RIPK1: variants seen among roughly 807,000 people sequenced by gnomAD.
RIPK1 encodes the protein receptor-interacting serine/threonine-protein kinase 1.
In RIPK1, 27 loss-of-function variants were observed where a neutral mutation model predicts 62.4. The ratio of observed to expected loss-of-function variants is 0.43; its 90% CI spans 0.32 to 0.60. The LOEUF is 0.60. Ranked by LOEUF, RIPK1 falls within the 20% of genes least tolerant of loss-of-function variation. The probability of loss-of-function intolerance (pLI) is 0.07; values close to 1 mark genes in which losing one functional copy is unlikely to be tolerated. For missense variants in RIPK1, 735 were observed against 831.0 expected, an observed-to-expected ratio of 0.88 and a Z score of 1.42; for synonymous variants, 287 against 303.2, an observed-to-expected ratio of 0.95 and a Z score of 0.55.
chr6:3,096,711 C>G (rs1428447733), intron 7 of RIPK1, among the ~76,000 whole-genome samples: 2 of 150,000 alleles, frequency 1.3e-5, no homozygotes, highest in Non-Finnish European at 1.5e-5. Flanking sequence ...AGGCGCCCAC[C>G]ACCACACCCA....
chr6:3,082,381 G>A (rs760335755), intron 4 of RIPK1, among the ~76,000 whole-genome samples: 4 of 152,186 alleles, frequency 2.6e-5, no homozygotes, highest in Admixed American at 1.3e-4. Flanking sequence ...TGCTTGCTTG[G>A]ATTCCTGGAG....
intron 9 of RIPK1, among the ~76,000 whole-genome samples, chr6:3,106,575 C>A (rs551877064): frequency 6.6e-6 from 1 of 152,320 alleles, no homozygotes; most frequent in South Asian, 2.1e-4. Context: ...TAATATCCAG[C>A]ATTTTTATCA....
chr6:3,076,500 G>GC (rs956526455), intron 1 of RIPK1, among the ~76,000 whole-genome samples: 3 of 151,100 alleles, frequency 2.0e-5, no homozygotes, highest in East Asian at 3.9e-4. Context: ...AGATCCCCCG[G>GC]CCCCCCCATC....
At chr6:3,111,788 G>C (rs918042841) in intron 10 of RIPK1, among the ~76,000 whole-genome samples, 2 of 152,174 alleles carry the variant, frequency 1.3e-5, no homozygotes, top group Admixed American at 1.3e-4. Flanking sequence ...ATGGTCAGGG[G>C]CACCTGTGAG....
chr6:3,073,658 C>T (rs1758885609), intron 1 of RIPK1, among the ~76,000 whole-genome samples: 1 of 152,166 alleles, frequency 6.6e-6, no homozygotes, highest in African/African-American at 2.4e-5. Flanking sequence ...CCCATAGGTG[C>T]TGCTGTATGA....
At chr6:3,102,573 A>C (rs1479952653) in intron 7 of RIPK1, among the ~76,000 whole-genome samples, 2 of 152,160 alleles carry the variant, frequency 1.3e-5, no homozygotes, top group Admixed American at 6.5e-5. Flanking sequence ...CGGGTGTGGA[A>C]TTGCTAGATC....
In RIPK1 at chr6:3,083,142, C is replaced by T; in HGVS notation, c.517C>T (p.His173Tyr). ...GTGGAGCAAACTGAATAATGAAGAG[C>T]ACAATGAGCTGAGGGAAGTGGACGG... Reference protein sequence around the residue: ...KMWSKLNNEEHNELREVDGTA... With the variant: ...KMWSKLNNEEYNELREVDGTA... The change falls in exon 5 of 11, where the codon CAC becomes TAC. Residue 173 changes from histidine to tyrosine, a missense_variant. By Grantham distance (83) the His-to-Tyr change is moderately conservative (BLOSUM62 2). Around this residue, in one of 2 missense-constraint regions of RIPK1, gnomAD observed 671 missense variants for 726.2 expected, o/e 0.92. Transcript: ENST00000259808. 6.2e-7 allele frequency: 1 copy of T among 1,614,018 alleles called. No homozygotes were observed. The highest frequency in any genetic ancestry group is 8.5e-7 in the Non-Finnish European group (1 of 1,179,940).
chr6:3,064,968 T>C (rs1259197476), upstream of RIPK1, among the ~76,000 whole-genome samples: 2 of 151,762 alleles, frequency 1.3e-5, no homozygotes, highest in South Asian at 2.1e-4. Context: ...TCTGGTCGGG[T>C]GCGGTGGCTC....
chr6:3,104,763 T>C (rs1456230644), intron 8 of RIPK1, among the ~76,000 whole-genome samples: 1 of 152,154 alleles, frequency 6.6e-6, no homozygotes, highest in Admixed American at 6.5e-5. Flanking sequence ...CTTAACCTCT[T>C]CTAAACTTCA....
chr6:3,100,583 C>A (rs547867378), intron 7 of RIPK1, among the ~76,000 whole-genome samples: 1 of 152,074 alleles, frequency 6.6e-6, no homozygotes, highest in South Asian at 2.1e-4. Context: ...TTGTTTGAAT[C>A]TTTGGGGGTT....
At chr6:3,073,242 TATC>T (rs1758846640) in intron 1 of RIPK1, among the ~76,000 whole-genome samples, 1 of 125,170 alleles carries the variant, frequency 8.0e-6, no homozygotes, top group African/African-American at 3.1e-5. Flanking sequence ...TACATTTTTA[TATC>T]ATATATTATA....
At chr6:3,110,717 A>G in intron 9 of RIPK1, 86 bp from the exon 10 acceptor site, 1 of 834,600 alleles carries the variant, frequency 1.2e-6, no homozygotes, top group Non-Finnish European at 1.8e-6. Context: ...AATGTTTGGC[A>G]TAAAGCCCTG....
intron 1 of RIPK1, among the ~76,000 whole-genome samples, chr6:3,075,081 G>A (rs1390060467): frequency 6.6e-6 from 1 of 152,208 alleles, no homozygotes; most frequent in Non-Finnish European, 1.5e-5. Flanking sequence ...CAGTGTGTCC[G>A]TGTCCTGTTG....
chr6:3,095,512 C>A (rs1165255080), intron 7 of RIPK1, among the ~76,000 whole-genome samples: 2 of 152,150 alleles, frequency 1.3e-5, no homozygotes, highest in Admixed American at 1.3e-4. Flanking sequence ...AAATTACAGA[C>A]CAATCTTGTT....
Position 3,076,760 on chromosome 6 carries a change from A to G in RIPK1, c.-60-4A>G, listed in dbSNP as rs1034820293. ...CTGAGGTTTTCTCTCTGTTTTCTTT[A>G]CAGGGTACAGCTCTGCCGGGGGGGG... On this transcript the variant is annotated splice_polypyrimidine_tract_variant and splice_region_variant and intron_variant, in intron 1 of 10. Coordinates refer to ENST00000259808, the MANE Select transcript of RIPK1 (RefSeq NM_001354930.2). 5.2e-6 allele frequency: 8 copies of G among 1,536,036 alleles called. No individual in the cohort carries two copies. The highest frequency in any genetic ancestry group is 7.0e-6 in the Non-Finnish European group (8 of 1,141,774).
chr6:3,067,051 ATTTTTT>A (rs36132424), upstream of RIPK1, among the ~76,000 whole-genome samples: 36 of 59,054 alleles, frequency 6.1e-4, no homozygotes, highest in African/African-American at 1.9e-3. Flanking sequence ...TTGCTCCAGG[ATTTTTT>A]TTTTTTTTTT....
upstream of RIPK1, among the ~76,000 whole-genome samples, chr6:3,066,182 C>T (rs540640366): frequency 3.7e-4 from 56 of 152,252 alleles, no homozygotes; most frequent in African/African-American, 1.3e-3. Context: ...CACCACCACG[C>T]CCAGCTAATT....
chr6:3,088,027 T>C lies in RIPK1; in HGVS notation c.839-1554T>C, dbSNP rs770121928. 2.0e-5 allele frequency among the ~76,000 whole-genome samples: 3 copies of C among 152,284 alleles called. 1 individual carries two copies. Among genetic ancestry groups the C allele is most frequent in the African/African-American group, 4.8e-5 (2 of 41,476 alleles). On this transcript the variant is annotated intron_variant, in intron 6 of 10. Transcript: ENST00000259808. ...TTCTGACATTGCTGTCATCTCAGTATTGGCATCTATTGATTGTCTTATTTC... is the reference window on the plus strand; with the variant it reads ...TTCTGACATTGCTGTCATCTCAGTACTGGCATCTATTGATTGTCTTATTTC...
At chr6:3,087,760 C>T (rs995427182) in intron 6 of RIPK1, among the ~76,000 whole-genome samples, 6 of 147,752 alleles carry the variant, frequency 4.1e-5, no homozygotes, top group Middle Eastern at 3.4e-3. Flanking sequence ...AGGATGGTCT[C>T]CATCTCCTGA....
Sources: allele counts gnomAD v4.1 joint callset (sites outside exome capture counted in the v4.1 genomes callset), GRCh38; gene constraint gnomAD v4.1.1; regional missense constraint gnomAD v4.1.1; transcripts MANE v1.5; gene names NCBI Gene and HGNC (gene_info 2026-07-23, HGNC 2026-07-21).